Variants in PLCB4 observed in about 807,000 individuals in gnomAD.
The protein encoded by PLCB4 is phospholipase C beta 4, also known as 1-phosphatidylinositol 4,5-bisphosphate phosphodiesterase beta-4.
In PLCB4, 77 loss-of-function variants were observed where a neutral mutation model predicts 178.8. The ratio of observed to expected loss-of-function variants is 0.43; its 90% CI spans 0.36 to 0.52. PLCB4 has a LOEUF of 0.52. Ranked by LOEUF, PLCB4 falls within the 20% of genes least tolerant of loss-of-function variation. The pLI is 0.00. For synonymous variants in PLCB4, 496 were observed against 490.8 expected, an observed-to-expected ratio of 1.01 and a Z score of -0.14; for missense variants, 1,024 against 1,453.4, an observed-to-expected ratio of 0.70 and a Z score of 4.80.
intron 3 of PLCB4, among the ~76,000 whole-genome samples, chr20:9,258,714 CAAAAA>C (rs969525907): frequency 1.6e-5 from 1 of 62,778 alleles, no homozygotes; most frequent in African/African-American, 5.4e-5. Context: ...GACTTCCTCT[CAAAAA>C]AAAAAAAAAA....
intron 3 of PLCB4, among the ~76,000 whole-genome samples, chr20:9,252,899 A>G (rs2094196060): frequency 6.6e-6 from 1 of 152,082 alleles, no homozygotes; most frequent in African/African-American, 2.4e-5. Context: ...CCTCGTTTTT[A>G]GGCCTTCTGG....
intron 14 of PLCB4, among the ~76,000 whole-genome samples, chr20:9,384,775 T>C (rs995845410): frequency 2.6e-5 from 4 of 152,028 alleles, no homozygotes; most frequent in Admixed American, 1.3e-4. Flanking sequence ...GGCCATTGAT[T>C]ATAGGCACTT....
At chr20:9,119,183 A>G (rs150408375) in intron 2 of PLCB4, among the ~76,000 whole-genome samples, 2 of 152,130 alleles carry the variant, frequency 1.3e-5, no homozygotes, top group Non-Finnish European at 2.9e-5. Flanking sequence ...CCCTCACACT[A>G]TTTTAATGTG....
chr20:9,221,276 C>T (rs1018029946), intron 3 of PLCB4, among the ~76,000 whole-genome samples: 9 of 152,188 alleles, frequency 5.9e-5, no homozygotes, highest in African/African-American at 7.2e-5. Flanking sequence ...GGCTTTTCCA[C>T]TCCTGCATCA....
At chr20:9,260,481 GTA>G (rs2094286105) in intron 3 of PLCB4, among the ~76,000 whole-genome samples, 1 of 152,040 alleles carries the variant, frequency 6.6e-6, no homozygotes, top group South Asian at 2.1e-4. Context: ...AATGTATTCT[GTA>G]TGTTTTGAAA....
At chr20:9,120,587 G>A (rs2091927772) in intron 2 of PLCB4, among the ~76,000 whole-genome samples, 1 of 152,018 alleles carries the variant, frequency 6.6e-6, no homozygotes, top group Admixed American at 6.5e-5. Flanking sequence ...CATTGTCTGG[G>A]TCAATACTAC....
intron 17 of PLCB4, among the ~76,000 whole-genome samples, chr20:9,391,913 C>G (rs1248072983): frequency 1.3e-5 from 2 of 152,202 alleles, no homozygotes; most frequent in Non-Finnish European, 2.9e-5. Flanking sequence ...ATAACACACC[C>G]TTGATGAGCT....
At chr20:9,326,754 G>C (rs2030655768) in intron 4 of PLCB4, among the ~76,000 whole-genome samples, 1 of 152,138 alleles carries the variant, frequency 6.6e-6, no homozygotes, top group Admixed American at 6.5e-5. Context: ...GAGTGGGATG[G>C]AGGAGTTGGA....
At chr20:9,295,019 T>A (rs2094617907) in intron 3 of PLCB4, among the ~76,000 whole-genome samples, 1 of 152,040 alleles carries the variant, frequency 6.6e-6, no homozygotes, top group Non-Finnish European at 1.5e-5. Flanking sequence ...ATTCTCATAG[T>A]CCCCACTCTG....
rs1474942985 is a variant in PLCB4 at position 9,444,233 on chromosome 20, A to G, written c.2870A>G (p.Lys957Arg). 6.3e-7 allele frequency: 1 copy of G among 1,594,592 alleles called. No homozygotes were observed. The highest frequency in any genetic ancestry group is 1.7e-5 in the Admixed American group (1 of 59,872). Residue 957 changes from lysine (K) to arginine (R), a missense_variant, in exon 32 of 40, where the codon AAA becomes AGA. This residue lies in a region of PLCB4 where 227 missense variants were observed against 374.3 expected (regional missense o/e 0.61). Transcript: ENST00000378473. ...QQKELNSLKK[K>R]HAKEHSTMQK... ...AAGGAGCTAAATTCTTTAAAGAAGA[A>G]ACATGCAAAGGTACAGTGCTCTACA... is the stretch of plus-strand genomic sequence containing the variant.
chr20:9,191,532 GT>G (rs992131390), intron 2 of PLCB4, among the ~76,000 whole-genome samples: 8 of 151,968 alleles, frequency 5.3e-5, no homozygotes, highest in African/African-American at 1.9e-4. Context: ...TACCCAGTCT[GT>G]GCTATTTTAT....
chr20:9,289,099 C>A (rs1373646659), intron 3 of PLCB4, among the ~76,000 whole-genome samples: 1 of 152,072 alleles, frequency 6.6e-6, no homozygotes, highest in East Asian at 1.9e-4. Flanking sequence ...TGAATCTTAT[C>A]TCTTTTCCTG....
chr20:9,455,153 A>T (rs141989965), intron 33 of PLCB4, among the ~76,000 whole-genome samples: 1 of 152,306 alleles, frequency 6.6e-6, no homozygotes. Context: ...ATTGAAACTG[A>T]TGGTAGACAG....
chr20:9,419,951 C>T (rs1178610229), intron 26 of PLCB4, 42 bp downstream of exon 26: 5 of 1,162,734 alleles, frequency 4.3e-6, no homozygotes, highest in Non-Finnish European at 6.4e-6. Flanking sequence ...AATGTATACA[C>T]AAGTGGTCCT....
At chr20:9,422,833 G>T (rs6077536) in intron 27 of PLCB4, among the ~76,000 whole-genome samples, 13,283 of 152,162 alleles carry the variant, frequency 0.087, 904 homozygotes, top group East Asian at 0.24. Context: ...AGGGAAATTG[G>T]CTAAGTTACC....
chr20:9,154,843 C>A (rs1344386217), intron 2 of PLCB4, among the ~76,000 whole-genome samples: 2 of 144,392 alleles, frequency 1.4e-5, no homozygotes, highest in Non-Finnish European at 3.0e-5. Flanking sequence ...TTCTTTCCTT[C>A]CTTTTTCCCT....
At chr20:9,291,052 C>T (rs929808524) in intron 3 of PLCB4, among the ~76,000 whole-genome samples, 2 of 152,066 alleles carry the variant, frequency 1.3e-5, no homozygotes, top group African/African-American at 4.8e-5. Flanking sequence ...CTTTCCATTC[C>T]AGCATGCTAT....
chr20:9,330,113 A>G (rs1343647771), intron 4 of PLCB4, among the ~76,000 whole-genome samples: 1 of 152,212 alleles, frequency 6.6e-6, no homozygotes, highest in Non-Finnish European at 1.5e-5. Flanking sequence ...GAGGAAATAA[A>G]TAAGCCATAA....
intron 2 of PLCB4, among the ~76,000 whole-genome samples, chr20:9,101,265 G>A (rs951557155): frequency 1.3e-5 from 2 of 152,106 alleles, no homozygotes; most frequent in African/African-American, 2.4e-5. Context: ...ACAAGGCGTC[G>A]AAACCCCAGG....
Sources: allele counts gnomAD v4.1 joint callset (sites outside exome capture counted in the v4.1 genomes callset), GRCh38; gene constraint gnomAD v4.1.1; regional missense constraint gnomAD v4.1.1; transcripts MANE v1.5; gene names NCBI Gene and HGNC (gene_info 2026-07-23, HGNC 2026-07-21).